ZNF749: variants seen among roughly 807,000 people sequenced by gnomAD.
The protein encoded by ZNF749 is zinc finger protein 749.
In ZNF749, 8 loss-of-function variants were observed where a neutral mutation model predicts 7.3. That is an observed-to-expected ratio of 1.10 (90% confidence interval 0.64 to 1.98). The LOEUF (loss-of-function observed/expected upper bound fraction) is 1.98. Ranked by LOEUF, ZNF749 falls within the 30% of genes most tolerant of loss-of-function variation. The probability of loss-of-function intolerance (pLI) is 0.00; values close to 1 mark genes in which losing one functional copy is unlikely to be tolerated. For synonymous variants in ZNF749, 310 were observed against 322.4 expected (o/e 0.96, Z 0.41); for missense variants, 898 against 932.4 (o/e 0.96, Z 0.48).
Position 57,436,712 on chromosome 19 carries a change from C to A in ZNF749, c.15+1119C>A, listed in dbSNP as rs1568543532. Reference sequence around the variant, plus strand: ...CTCCACCACAGTTAAGGGCCTCCAGCAAGCTCCCTTTACTGCATTATATGG... The same window carrying A: ...CTCCACCACAGTTAAGGGCCTCCAGAAAGCTCCCTTTACTGCATTATATGG... On this transcript the variant is annotated intron_variant, in intron 1 of 2. Coordinates refer to ENST00000334181, the MANE Select transcript of ZNF749 (RefSeq NM_001023561.4). This position sits in a 1 kb window ranked among gnomAD's most constrained non-coding sequence, Gnocchi z 4.0. 6.6e-6 allele frequency among the ~76,000 whole-genome samples: 1 copy of A among 152,212 alleles called. No homozygotes were observed. The highest frequency in any genetic ancestry group is 1.5e-5 in the Non-Finnish European group (1 of 68,040).
At chr19:57,431,486 G>A (rs1417707624), upstream of ZNF749, among the ~76,000 whole-genome samples, 2 of 152,052 alleles carry the variant, frequency 1.3e-5, no homozygotes, top group East Asian at 1.9e-4. Context: ...CAATTTAGAC[G>A]ATCCAATAAG....
the ZNF749 span, among the ~76,000 whole-genome samples, chr19:57,430,267 T>A: frequency 1.3e-5 from 2 of 152,126 alleles, no homozygotes; most frequent in Non-Finnish European, 1.5e-5. Context: ...CGCTGCATCA[T>A]AACATGACAG....
upstream of ZNF749, chr19:57,435,269 T>C (rs2088922242): frequency 3.8e-6 from 2 of 529,106 alleles, no homozygotes; most frequent in Non-Finnish European, 6.8e-6. Context: ...GGGCAGCGAG[T>C]GTAGCCATTG....
At position 57,445,149 on chromosome 19, in the gene ZNF749, T is replaced by G. The variant is rs376429060; in HGVS notation, c.2001T>G (p.Pro667=). ...IHQRVHTGEK[P]YECSNCGKFL... is the part of the protein sequence containing the mutation. ...AGAGAGTTCATACTGGAGAAAAGCC[T>G]TATGAATGCAGCAACTGTGGGAAGT... The change falls in exon 3 of 3, where the codon CCT becomes CCG. Residue 667 remains proline (P), a synonymous_variant. Coordinates refer to ENST00000334181, the MANE Select transcript of ZNF749 (RefSeq NM_001023561.4). 6.6e-5 allele frequency: 107 copies of G among 1,614,052 alleles called. 1 individual carries two copies. In the African/African-American group the frequency reaches 9.1e-4, roughly 14 times the overall value.
In ZNF749 at chr19:57,443,451, G is replaced by A. The variant is rs1333726924; in HGVS notation, c.303G>A (p.Glu101=). ...TGAAGGACATTCTGCACCTGGCTGA[G>A]CACGATGGAACACACCCTGAGCAAG... ...SILKDILHLA[E]HDGTHPEQGL... The change falls in exon 3 of 3, where the codon GAG becomes GAA. Residue 101 remains glutamate, a synonymous_variant. Coordinates refer to ENST00000334181, the MANE Select transcript of ZNF749 (RefSeq NM_001023561.4). 1.2e-6 allele frequency: 2 copies of A among 1,614,138 alleles called. No individual in the cohort carries two copies. Among genetic ancestry groups the A allele is most frequent in the African/African-American group, 1.3e-5 (1 of 74,942 alleles).
upstream of ZNF749, among the ~76,000 whole-genome samples, chr19:57,432,522 A>G (rs1162823076): frequency 7.0e-6 from 1 of 143,376 alleles, no homozygotes; most frequent in Non-Finnish European, 1.5e-5. Context: ...AGATCCTGCC[A>G]TTGCACTGCA....
rs1713724104 is a variant in ZNF749 at position 57,443,518 on chromosome 19, G to T, written c.370G>T (p.Glu124Ter). ...CAAEHDLHQK[E>*]QIREKLTRSD... ...AGCAGAGCATGACCTGCACCAAAAG[G>T]AGCAGATTAGAGAGAAGCTCACCAG... is the stretch of plus-strand genomic sequence containing the variant. Residue 124 changes from glutamate (E) to a stop codon, truncating the protein, a stop_gained, in exon 3 of 3, where the codon GAG (glutamate) becomes TAG (stop). Coordinates refer to ENST00000334181, the MANE Select transcript of ZNF749 (RefSeq NM_001023561.4). LOFTEE classifies it low-confidence loss of function (END_TRUNC). 3 of 1,614,224 alleles carry T rather than the reference G, an allele frequency of 1.9e-6. No individual in the cohort carries two copies. The highest frequency in any genetic ancestry group is 2.5e-6 in the Non-Finnish European group (3 of 1,180,030).
At chr19:57,440,910 G>T (rs182473727) in intron 1 of ZNF749, among the ~76,000 whole-genome samples, 1 of 151,846 alleles carries the variant, frequency 6.6e-6, no homozygotes, top group African/African-American at 2.4e-5. Flanking sequence ...GGTGGATCAC[G>T]AGGTCAGGAG....
Position 57,443,933 on chromosome 19 carries a change from T to C in ZNF749, c.785T>C (p.Ile262Thr). 6.2e-7 allele frequency: 1 copy of C among 1,613,842 alleles called. No individual in the cohort carries two copies. The highest frequency in any genetic ancestry group is 8.5e-7 in the Non-Finnish European group (1 of 1,179,854). ...GGCACTGAATATGGAAAGACCTTTA[T>C]TAGAAAGTCCAACCTAGTTCAGCAC... ...YEGTEYGKTF[I>T]RKSNLVQHQK... Residue 262 changes from isoleucine (I) to threonine (T), a missense_variant, in exon 3 of 3, where the codon ATT (isoleucine) becomes ACT (threonine). Transcript: ENST00000334181.
rs1213994247 is a variant in ZNF749 at position 57,439,159 on chromosome 19, G to A, written c.16-2726G>A. The stretch of plus-strand genomic sequence containing the variant: ...AATGGAAGACCACGTGCAGGTGAGG[G>A]TGGAGCCACCGATACCTGGGTGATG... On this transcript the variant is annotated intron_variant, in intron 1 of 2. Coordinates refer to ENST00000334181, the MANE Select transcript of ZNF749 (RefSeq NM_001023561.4). The surrounding 1 kb of genome is among the most constrained non-coding windows in gnomAD (Gnocchi z 4.3). Among the ~76,000 whole-genome samples the A allele has an allele frequency of 6.6e-6, 1 of 152,314 alleles. No homozygotes were observed. The highest frequency in any genetic ancestry group is 1.9e-4 in the East Asian group (1 of 5,180).
intron 1 of ZNF749, among the ~76,000 whole-genome samples, chr19:57,441,363 A>G (rs769206629): frequency 2.6e-4 from 39 of 152,250 alleles, no homozygotes; most frequent in Middle Eastern, 3.4e-3. Flanking sequence ...AGGGAAGTGT[A>G]TCAGTGATTG....
chr19:57,431,809 C>T (rs768482360), upstream of ZNF749, among the ~76,000 whole-genome samples: 2 of 152,088 alleles, frequency 1.3e-5, no homozygotes, highest in Non-Finnish European at 2.9e-5. Context: ...TCACTAGAGC[C>T]TATGCTTGAG....
chr19:57,445,921 C>T lies in ZNF749; in HGVS notation c.*436C>T. On this transcript the variant is annotated 3_prime_UTR_variant, in exon 3 of 3. Coordinates refer to ENST00000334181, the MANE Select transcript of ZNF749 (RefSeq NM_001023561.4). Reference sequence around the variant, plus strand: ...CTCCAGCCTGGGTGACAGGGCGAGACTCTGTCTCAAAAAGAAAAAAATTAT... The same window carrying T: ...CTCCAGCCTGGGTGACAGGGCGAGATTCTGTCTCAAAAAGAAAAAAATTAT... Among the ~76,000 whole-genome samples, 1 of 152,080 alleles carries T rather than the reference C, an allele frequency of 6.6e-6. No individual in the cohort carries two copies. The highest frequency in any genetic ancestry group is 1.5e-5 in the Non-Finnish European group (1 of 68,034).
At position 57,444,442 on chromosome 19, in the gene ZNF749, C is replaced by G. The variant is rs1293975785; in HGVS notation, c.1294C>G (p.His432Asp). 2.5e-5 allele frequency: 41 copies of G among 1,614,050 alleles called. No individual in the cohort carries two copies. The highest frequency in any genetic ancestry group is 3.4e-5 in the Non-Finnish European group (40 of 1,179,916). ...TAATGTTGTTCAGCATCTGAAAATT[C>G]ATACTGGAGAACGGCCTTATGAGTG... ...KHNVVQHLKI[H>D]TGERPYECTE... Residue 432 changes from histidine to aspartate, a missense_variant, in exon 3 of 3, where the codon CAT becomes GAT. Transcript: ENST00000334181.
At chr19:57,443,246 C>A in intron 2 of ZNF749, 45 bp from the exon 3 acceptor site, 1 of 1,515,168 alleles carries the variant, frequency 6.6e-7, no homozygotes, top group Non-Finnish European at 9.0e-7. Context: ...CTGTCTCCTC[C>A]CTCCGGAGTT....
In ZNF749 at chr19:57,436,656, G is replaced by A. The variant is rs1244844328; in HGVS notation, c.15+1063G>A. Among the ~76,000 whole-genome samples the A allele has an allele frequency of 6.6e-6, 1 of 152,198 alleles. No individual in the cohort carries two copies. The highest frequency in any genetic ancestry group is 1.5e-5 in the Non-Finnish European group (1 of 68,038). ...ACAAGATAAGGCCATGCAGCAACTG[G>A]GTCCAAAACTGGGCAGGGCTTTCTC... On this transcript the variant is annotated intron_variant, in intron 1 of 2. Coordinates refer to ENST00000334181, the MANE Select transcript of ZNF749 (RefSeq NM_001023561.4). This position sits in a 1 kb window ranked among gnomAD's most constrained non-coding sequence, Gnocchi z 4.0.
chr19:57,443,284 C>G lies in ZNF749; in HGVS notation c.143-7C>G. 1.3e-6 allele frequency: 2 copies of G among 1,587,698 alleles called. No homozygotes were observed. The highest frequency in any genetic ancestry group is 1.3e-5 in the African/African-American group (1 of 74,576). On this transcript the variant is annotated splice_region_variant and splice_polypyrimidine_tract_variant and intron_variant, in intron 2 of 2. Transcript: ENST00000334181. Reference sequence around the variant, plus strand: ...CGTGCACTTCACCAGCATTTCTGTTCTTACAGGTTGTTGGCATGGAGCCAA... The same window carrying G: ...CGTGCACTTCACCAGCATTTCTGTTGTTACAGGTTGTTGGCATGGAGCCAA...
In ZNF749 at chr19:57,445,232, C is replaced by CA; in HGVS notation, c.2084_2085insA (p.His696SerfsTer2). On this transcript the variant is annotated frameshift_variant, in exon 3 of 3. Transcript: ENST00000334181. LOFTEE classifies it low-confidence loss of function (END_TRUNC). ...CATAAAGTTTGCACTGGGGAGAAGC[C>CA]TCATGAGTGCAGTAAATGTAGGGAA... 6.2e-7 allele frequency: 1 copy of CA among 1,613,988 alleles called. No individual in the cohort carries two copies. The highest frequency in any genetic ancestry group is 8.5e-7 in the Non-Finnish European group (1 of 1,179,902).
chr19:57,438,042 C>T, intron 1 of ZNF749: 1 of 398,622 alleles, frequency 2.5e-6, no homozygotes, highest in Non-Finnish European at 4.4e-6. Context: ...TTGTACAGCT[C>T]AGCCTGTAGG....
Sources: allele counts gnomAD v4.1 joint callset (sites outside exome capture counted in the v4.1 genomes callset), GRCh38; gene constraint gnomAD v4.1.1; non-coding constraint Gnocchi (gnomAD v3.1); transcripts MANE v1.5; gene names NCBI Gene and HGNC (gene_info 2026-07-23, HGNC 2026-07-21).